Variants in YARS1 observed in about 807,000 individuals in gnomAD.
YARS1 encodes the protein tyrosine--tRNA ligase, cytoplasmic.
In YARS1, 36 loss-of-function variants were observed where a neutral mutation model predicts 62.2. That is an observed-to-expected ratio of 0.58 (90% confidence interval 0.44 to 0.76). The LOEUF is 0.76. YARS1 is among the 30% of genes least tolerant of loss of function. YARS1 has a pLI of 0.00. For synonymous variants in YARS1, 234 were observed against 244.9 expected, an observed-to-expected ratio of 0.96 and a Z score of 0.42; for missense variants, 524 against 639.8, an observed-to-expected ratio of 0.82 and a Z score of 1.95.
intron 3 of YARS1, among the ~76,000 whole-genome samples, chr1:32,807,413 G>C (rs1455405961): frequency 2.6e-5 from 4 of 151,890 alleles, no homozygotes; most frequent in Non-Finnish European, 5.9e-5. Flanking sequence ...AAATGTGATA[G>C]ACCTATCTTC....
chr1:32,813,148 T>C (rs1638624372), intron 1 of YARS1, among the ~76,000 whole-genome samples: 1 of 152,114 alleles, frequency 6.6e-6, no homozygotes, highest in Non-Finnish European at 1.5e-5. Flanking sequence ...ATACCTTACT[T>C]GTATTGATTT....
intron 4 of YARS1, among the ~76,000 whole-genome samples, chr1:32,804,952 T>C (rs1434609356): frequency 6.6e-6 from 1 of 152,114 alleles, no homozygotes; most frequent in Non-Finnish European, 1.5e-5. Context: ...CATTGAGCAC[T>C]GAGTGAGCGA....
chr1:32,780,748 C>CT (rs1653025509), intron 10 of YARS1: 1 of 468,870 alleles, frequency 2.1e-6, no homozygotes, highest in Non-Finnish European at 3.9e-6. Flanking sequence ...AGGCCTGTAG[C>CT]TAGTCCAGGC....
intron 4 of YARS1, among the ~76,000 whole-genome samples, chr1:32,801,952 T>C (rs1638308983): frequency 7.1e-6 from 1 of 141,658 alleles, no homozygotes; most frequent in Non-Finnish European, 1.6e-5. Flanking sequence ...CTTTTTTTTT[T>C]TTTTTTTTTT....
intron 4 of YARS1, among the ~76,000 whole-genome samples, chr1:32,801,309 A>G (rs1638288017): frequency 6.6e-6 from 1 of 151,248 alleles, no homozygotes; most frequent in Admixed American, 6.6e-5. Flanking sequence ...CAATAAAGTG[A>G]CTCACTTGGA....
At chr1:32,792,348 C>T (rs1183249880) in intron 5 of YARS1, among the ~76,000 whole-genome samples, 2 of 152,212 alleles carry the variant, frequency 1.3e-5, no homozygotes, top group African/African-American at 2.4e-5. Context: ...CTAAAACCAA[C>T]CCCTGACAGA....
At chr1:32,808,275 A>T (rs1460900167) in intron 3 of YARS1, among the ~76,000 whole-genome samples, 2 of 148,528 alleles carry the variant, frequency 1.3e-5, no homozygotes, top group African/African-American at 2.5e-5. Context: ...GCTGGAGTGC[A>T]GTGGTGCGAT....
In YARS1 at chr1:32,775,744, T is replaced by G. The variant is rs1052014226; in HGVS notation, c.*237A>C. On this transcript the variant is annotated 3_prime_UTR_variant, in exon 13 of 13. Coordinates refer to ENST00000373477, the MANE Select transcript of YARS1 (RefSeq NM_003680.4). The stretch of plus-strand genomic sequence containing the variant: ...AGCTGCCAAGGGAAGAAGGTAGGGC[T>G]GGACTCCCTGCTGTGGCCCAGCCCT... 3.4e-6 allele frequency: 2 copies of G among 583,172 alleles called. No individual in the cohort carries two copies. The highest frequency in any genetic ancestry group is 6.1e-6 in the Non-Finnish European group (2 of 325,828). The allele number at this position is 583,172 out of a possible 1,614,324, so 36.1% of individuals were successfully genotyped here.
At chr1:32,786,785 C>A in intron 7 of YARS1, 155 bp downstream of exon 7, 1 of 1,063,222 alleles carries the variant, frequency 9.4e-7, no homozygotes, top group Admixed American at 2.5e-5. Context: ...AAATTACATC[C>A]CAACATCATT....
At chr1:32,790,181 CTT>C (rs750131866) in intron 6 of YARS1, among the ~76,000 whole-genome samples, 14 of 115,396 alleles carry the variant, frequency 1.2e-4, no homozygotes, top group African/African-American at 2.9e-4. Flanking sequence ...CCACGCAGGC[CTT>C]TTTTTTTTTT....
At chr1:32,779,859 G>C (rs1652994637) in intron 11 of YARS1, 1 of 640,272 alleles carries the variant, frequency 1.6e-6, no homozygotes. Flanking sequence ...GGTATGTACT[G>C]GTTTGAGCCC....
chr1:32,816,486 A>G (rs1307433432), intron 1 of YARS1, among the ~76,000 whole-genome samples: 1 of 152,248 alleles, frequency 6.6e-6, no homozygotes, highest in African/African-American at 2.4e-5. Flanking sequence ...CGTCGCTGAT[A>G]AGGTGACAAC....
chr1:32,791,147 C>A lies in YARS1; in HGVS notation c.684+15G>T. On this transcript the variant is annotated intron_variant, in intron 6 of 12. Coordinates refer to ENST00000373477, the MANE Select transcript of YARS1 (RefSeq NM_003680.4). ...GCTGAAGATTTCTAAATTCAAGTCT[C>A]AGCTGGCAACTTACCTCTTCTGAAG... is the stretch of plus-strand genomic sequence containing the variant. The A allele has an allele frequency of 6.2e-7, 1 of 1,610,618 alleles. No homozygotes were observed. Among genetic ancestry groups the A allele is most frequent in the South Asian group, 1.1e-5 (1 of 90,994 alleles).
At position 32,781,158 on chromosome 1, in the gene YARS1, A is replaced by G. The variant is rs745986704; in HGVS notation, c.1043-13T>C. The G allele has an allele frequency of 6.2e-7, 1 of 1,609,620 alleles. No individual in the cohort carries two copies. The highest frequency in any genetic ancestry group is 1.7e-5 in the Admixed American group (1 of 60,010). On this transcript the variant is annotated splice_polypyrimidine_tract_variant and intron_variant, in intron 9 of 12. Coordinates refer to ENST00000373477, the MANE Select transcript of YARS1 (RefSeq NM_003680.4). ...TTGGCCATTGGCTCTGGGAATGAGA[A>G]GAACCCCATGAGGTAGAATTCTTCC...
At chr1:32,815,393 T>C (rs1638686328) in intron 1 of YARS1, among the ~76,000 whole-genome samples, 1 of 152,180 alleles carries the variant, frequency 6.6e-6, no homozygotes, top group South Asian at 2.1e-4. Flanking sequence ...GAGTCAATTC[T>C]AATAGTTTTG....
chr1:32,780,065 C>T lies in YARS1; in HGVS notation c.1334+20G>A. The T allele has an allele frequency of 6.2e-7, 1 of 1,613,934 alleles. No individual in the cohort carries two copies. Among genetic ancestry groups the T allele is most frequent in the Non-Finnish European group, 8.5e-7 (1 of 1,179,994 alleles). On this transcript the variant is annotated intron_variant, in intron 11 of 12. Coordinates refer to ENST00000373477, the MANE Select transcript of YARS1 (RefSeq NM_003680.4). Reference sequence around the variant, plus strand: ...CCTGGCCTCCCCAGGTCCTGTGCCCCACTCCAAGTCCTCACTCACATAGAA... The same window carrying T: ...CCTGGCCTCCCCAGGTCCTGTGCCCTACTCCAAGTCCTCACTCACATAGAA...
At chr1:32,786,501 C>T in intron 7 of YARS1, 54 bp from the exon 8 acceptor site, 1 of 1,039,688 alleles carries the variant, frequency 9.6e-7, no homozygotes. Flanking sequence ...TCCTAGCTCA[C>T]ATGCATGACT....
At chr1:32,801,476 G>A (rs983532975) in intron 4 of YARS1, among the ~76,000 whole-genome samples, 1 of 152,244 alleles carries the variant, frequency 6.6e-6, no homozygotes, top group African/African-American at 2.4e-5. Flanking sequence ...CCTTCAGCAA[G>A]TCATAATCTT....
intron 4 of YARS1, among the ~76,000 whole-genome samples, chr1:32,800,018 T>C (rs59754854): frequency 0.18 from 26,593 of 151,956 alleles, 2,718 homozygotes; most frequent in African/African-American, 0.27. Context: ...TCTCACTCTG[T>C]CACCCAGGCT....
Sources: allele counts gnomAD v4.1 joint callset (sites outside exome capture counted in the v4.1 genomes callset), GRCh38; gene constraint gnomAD v4.1.1; transcripts MANE v1.5; gene names NCBI Gene and HGNC (gene_info 2026-07-23, HGNC 2026-07-21).